Variants in SKIC3 observed in about 807,000 individuals in gnomAD.
SKIC3 encodes the protein superkiller complex protein 3.
chr5:95,552,089 C>T, the SKIC3 span, among the ~76,000 whole-genome samples: 1 of 152,172 alleles, frequency 6.6e-6, no homozygotes, highest in Non-Finnish European at 1.5e-5. Flanking sequence ...GTTGAACTTA[C>T]AATTTTTTGA....
the SKIC3 span, chr5:95,523,881 A>G: frequency 6.5e-7 from 1 of 1,540,510 alleles, no homozygotes; most frequent in Non-Finnish European, 8.9e-7. Context: ...AGTTCATTTA[A>G]TGAGTATCTT....
At chr5:95,531,187 C>T in the SKIC3 span, among the ~76,000 whole-genome samples, 2 of 152,070 alleles carry the variant, frequency 1.3e-5, no homozygotes, top group Non-Finnish European at 2.9e-5. Context: ...CCATGTAGCT[C>T]ATATATTTCA....
the SKIC3 span, chr5:95,540,795 C>T: frequency 5.0e-6 from 8 of 1,614,046 alleles, no homozygotes; most frequent in South Asian, 8.8e-5. Context: ...CTTGTTCCTG[C>T]CGTGTTTTTA....
the SKIC3 span, among the ~76,000 whole-genome samples, chr5:95,468,489 C>T: frequency 2.6e-5 from 4 of 152,222 alleles, no homozygotes; most frequent in South Asian, 2.1e-4. Context: ...TTTTCAAGGA[C>T]GTGTATGATA....
the SKIC3 span, among the ~76,000 whole-genome samples, chr5:95,512,199 T>G: frequency 1.3e-5 from 2 of 152,146 alleles, no homozygotes; most frequent in Non-Finnish European, 2.9e-5. Context: ...TGTTCTAGTG[T>G]ATAGTGTATA....
chr5:95,539,558 A>G, the SKIC3 span, among the ~76,000 whole-genome samples: 3 of 152,066 alleles, frequency 2.0e-5, no homozygotes, highest in Non-Finnish European at 4.4e-5. Flanking sequence ...AAGAACTAAA[A>G]GTAGGCTGGG....
At chr5:95,474,011 G>C in the SKIC3 span, among the ~76,000 whole-genome samples, 7 of 152,254 alleles carry the variant, frequency 4.6e-5, no homozygotes, top group African/African-American at 1.4e-4. Context: ...GTATTTCCTA[G>C]GTTTTCTTTT....
the SKIC3 span, chr5:95,509,479 C>T: frequency 3.9e-5 from 31 of 788,274 alleles, no homozygotes; most frequent in Admixed American, 2.6e-4. Flanking sequence ...CTGCAAATGG[C>T]GTGAACATCC....
the SKIC3 span, chr5:95,537,091 A>G: frequency 6.2e-7 from 1 of 1,613,704 alleles, no homozygotes; most frequent in Non-Finnish European, 8.5e-7. Flanking sequence ...GGTGATCTTC[A>G]CTAGGAATCT....
At chr5:95,484,645 C>T in the SKIC3 span, 2 of 1,596,022 alleles carry the variant, frequency 1.3e-6, no homozygotes, top group Non-Finnish European at 1.7e-6. Context: ...CCGCATCTAG[C>T]CTCATACATT....
At chr5:95,516,380 C>T in the SKIC3 span, 1 of 1,613,028 alleles carries the variant, frequency 6.2e-7, no homozygotes, top group Non-Finnish European at 8.5e-7. Context: ...TGAGGTATAA[C>T]ACTCCCAAGT....
At chr5:95,527,518 T>G in the SKIC3 span, among the ~76,000 whole-genome samples, 1 of 152,208 alleles carries the variant, frequency 6.6e-6, no homozygotes, top group Non-Finnish European at 1.5e-5. Flanking sequence ...TAATTCATAA[T>G]TTACCAGTTA....
At chr5:95,517,169 A>T in the SKIC3 span, 2 of 1,613,260 alleles carry the variant, frequency 1.2e-6, no homozygotes, top group South Asian at 2.2e-5. Context: ...GGAGGAGCTC[A>T]TTTTTCTTTA....
the SKIC3 span, chr5:95,497,372 C>A: frequency 6.9e-7 from 1 of 1,454,490 alleles, no homozygotes; most frequent in Admixed American, 1.7e-5. Flanking sequence ...TACCATATCA[C>A]AAGTTATTTT....
At chr5:95,475,595 T>C in the SKIC3 span, among the ~76,000 whole-genome samples, 2 of 152,196 alleles carry the variant, frequency 1.3e-5, no homozygotes, top group Non-Finnish European at 2.9e-5. Flanking sequence ...TGTTTATAAA[T>C]GACCCTATCT....
chr5:95,529,378 T>TA, the SKIC3 span: 1 of 475,224 alleles, frequency 2.1e-6, no homozygotes, highest in Non-Finnish European at 3.9e-6. Context: ...AGAATATCTC[T>TA]AAAAAGACAA....
the SKIC3 span, among the ~76,000 whole-genome samples, chr5:95,474,467 G>C: frequency 2.8e-4 from 42 of 152,288 alleles, no homozygotes; most frequent in Middle Eastern, 3.4e-3. Context: ...CTTCTAGCTC[G>C]TAACATTTCT....
At chr5:95,475,505 T>C in the SKIC3 span, among the ~76,000 whole-genome samples, 23 of 152,288 alleles carry the variant, frequency 1.5e-4, no homozygotes, top group Admixed American at 1.5e-3. Context: ...TGATTGTAAG[T>C]TTCCTGAGGT....
the SKIC3 span, chr5:95,497,504 G>A: frequency 1.9e-6 from 3 of 1,610,300 alleles, no homozygotes; most frequent in South Asian, 3.3e-5. Flanking sequence ...GGAATCAAAA[G>A]TAGCAGGCTT....
Sources: allele counts gnomAD v4.1 joint callset (sites outside exome capture counted in the v4.1 genomes callset), GRCh38; gene constraint gnomAD v4.1.1; transcripts MANE v1.5; gene names NCBI Gene and HGNC (gene_info 2026-07-23, HGNC 2026-07-21).